Variants in TTLL5 observed in about 807,000 individuals in gnomAD.
TTLL5 encodes the protein tubulin tyrosine ligase like 5, also known as tubulin polyglutamylase TTLL5.
Under a neutral mutation model 168.4 loss-of-function variants are expected in TTLL5, and 132 were observed. The ratio of observed to expected loss-of-function variants is 0.78; its 90% CI spans 0.68 to 0.91. The LOEUF (loss-of-function observed/expected upper bound fraction) is 0.91. TTLL5 is among the 40% of genes least tolerant of loss of function. The pLI, the probability that TTLL5 is intolerant of heterozygous loss-of-function variation, is 0.00. For synonymous variants in TTLL5, 546 were observed against 558.6 expected (o/e 0.98, Z 0.32); for missense variants, 1,545 against 1,581.5 (o/e 0.98, Z 0.39).
At chr14:75,952,817 A>G (rs2035003127) in intron 31 of TTLL5, among the ~76,000 whole-genome samples, 1 of 152,224 alleles carries the variant, frequency 6.6e-6, no homozygotes, top group African/African-American at 2.4e-5. Flanking sequence ...AAATCTATAG[A>G]GACAGAAGGT....
At chr14:75,888,091 G>A (rs1595211570) in intron 30 of TTLL5, among the ~76,000 whole-genome samples, 1 of 152,142 alleles carries the variant, frequency 6.6e-6, no homozygotes, top group Non-Finnish European at 1.5e-5. Context: ...GGACATGAGC[G>A]CCAGTCAGGA....
At chr14:75,700,619 A>G (rs1476320505) in intron 7 of TTLL5, among the ~76,000 whole-genome samples, 1 of 152,184 alleles carries the variant, frequency 6.6e-6, no homozygotes, top group Non-Finnish European at 1.5e-5. Flanking sequence ...CCCCAAGTCT[A>G]AGGTGAAACA....
chr14:75,811,156 A>AGAGTGTGTGTAT (rs60194482), intron 27 of TTLL5, among the ~76,000 whole-genome samples: 4 of 116,532 alleles, frequency 3.4e-5, no homozygotes, highest in Non-Finnish European at 6.8e-5. Context: ...TGAAAGAAAG[A>AGAGTGTGTGTAT]GTGTGTGTGT....
At chr14:75,899,010 A>G (rs2032800700) in intron 30 of TTLL5, among the ~76,000 whole-genome samples, 1 of 152,226 alleles carries the variant, frequency 6.6e-6, no homozygotes. Flanking sequence ...TCAATTTGAT[A>G]TTTCTGTATG....
intron 29 of TTLL5, 69 bp downstream of exon 29, chr14:75,863,931 A>AAAAAAAAAAAAAAAAAAAAAAAAAAC (rs2030271887): frequency 7.7e-7 from 1 of 1,300,428 alleles, no homozygotes; most frequent in Non-Finnish European, 1.0e-6. Context: ...AAAAAAAAAA[A>AAAAAAAAAAAAAAAAAAAAAAAAAAC]AAAGGTCAGT....
chr14:75,738,373 T>C (rs1196006119), intron 15 of TTLL5, among the ~76,000 whole-genome samples: 1 of 152,258 alleles, frequency 6.6e-6, no homozygotes, highest in Non-Finnish European at 1.5e-5. Flanking sequence ...ATATTTATTT[T>C]GGCGTTTGTA....
At chr14:75,748,867 T>C (rs1889777615) in intron 17 of TTLL5, among the ~76,000 whole-genome samples, 1 of 152,226 alleles carries the variant, frequency 6.6e-6, no homozygotes, top group East Asian at 1.9e-4. Flanking sequence ...GTTGACACTC[T>C]TTGTACTTGT....
intron 27 of TTLL5, among the ~76,000 whole-genome samples, chr14:75,799,935 T>C (rs1337222300): frequency 6.6e-6 from 1 of 152,208 alleles, no homozygotes; most frequent in African/African-American, 2.4e-5. Context: ...ACCTGATGAC[T>C]ATGTGTCTAA....
chr14:75,663,265 C>T (rs1230617112), intron 2 of TTLL5, 42 bp downstream of exon 2: 2 of 1,553,684 alleles, frequency 1.3e-6, no homozygotes, highest in South Asian at 2.3e-5. Flanking sequence ...GCTTTGTACT[C>T]TTTCACTTAT....
At chr14:75,700,761 C>T (rs144558684) in intron 7 of TTLL5, among the ~76,000 whole-genome samples, 133 of 152,248 alleles carry the variant, frequency 8.7e-4, no homozygotes, top group African/African-American at 2.9e-3. Context: ...CTCACTCTGC[C>T]TTATGCCCTC....
intron 31 of TTLL5, 148 bp from the exon 32 acceptor site, chr14:75,954,276 G>C (rs1420600376): frequency 2.6e-6 from 1 of 377,652 alleles, no homozygotes; most frequent in East Asian, 4.9e-5. Context: ...AAAAAAAAAA[G>C]AGCTTTCCAC....
At chr14:75,681,824 G>A (rs1378599167) in intron 4 of TTLL5, among the ~76,000 whole-genome samples, 197 bp downstream of exon 4, 3 of 151,928 alleles carry the variant, frequency 2.0e-5, no homozygotes, top group African/African-American at 7.3e-5. Context: ...GTTTCCAGAT[G>A]ATTTTAGAAA....
intron 7 of TTLL5, among the ~76,000 whole-genome samples, chr14:75,705,071 G>A (rs986913910): frequency 5.3e-5 from 8 of 152,234 alleles, no homozygotes; most frequent in Admixed American, 6.5e-5. Context: ...GCCTGCAGCT[G>A]TATAGTGATT....
In TTLL5 at chr14:75,764,724, C is replaced by G; in HGVS notation, c.1660C>G (p.Arg554Gly). 1 of 1,614,130 alleles carries G rather than the reference C, an allele frequency of 6.2e-7. No homozygotes were observed. Among genetic ancestry groups the G allele is most frequent in the Non-Finnish European group, 8.5e-7 (1 of 1,179,988 alleles). Residue 554 changes from arginine to glycine, a missense_variant, in exon 19 of 32, where the codon CGT (arginine) becomes GGT (glycine). Arg to Gly is a moderately radical substitution (Grantham distance 125). Transcript: ENST00000298832. The stretch of plus-strand genomic sequence containing the variant: ...GCTCCTGTCTCTGGAGGTGCGAAAA[C>G]GTAGACGACGGAGTAGCAGATTGAG... ...RKLLSLEVRK[R>G]RRRSSRLRAM...
chr14:75,793,273 A>G (rs1245552396), intron 27 of TTLL5, among the ~76,000 whole-genome samples, 173 bp downstream of exon 27: 3 of 152,236 alleles, frequency 2.0e-5, no homozygotes, highest in Non-Finnish European at 4.4e-5. Flanking sequence ...TCAAATTTAA[A>G]GAAAATAACT....
intron 28 of TTLL5, chr14:75,820,527 T>TA (rs1323392219): frequency 6.1e-6 from 1 of 163,120 alleles, no homozygotes; most frequent in African/African-American, 2.4e-5. Context: ...TAGTTTTTTT[T>TA]ATACTACATT....
In TTLL5 at chr14:75,863,800, C is replaced by A; in HGVS notation, c.3460C>A (p.Gln1154Lys). The A allele has an allele frequency of 1.3e-6, 2 of 1,599,390 alleles. No individual in the cohort carries two copies. The highest frequency in any genetic ancestry group is 1.7e-6 in the Non-Finnish European group (2 of 1,171,828). The change falls in exon 29 of 32, where the codon CAA becomes AAA. Residue 1154 changes from glutamine (Q) to lysine (K), a missense_variant. Coordinates refer to ENST00000298832, the MANE Select transcript of TTLL5 (RefSeq NM_015072.5). ...GSYQLQFALQQLEQQKLQSRQ... is the reference protein window; with the variant it reads ...GSYQLQFALQKLEQQKLQSRQ... The stretch of plus-strand genomic sequence containing the variant: ...CTATCAGCTTCAATTTGCCCTGCAG[C>A]AACTTGAACAACAAAAACTTCAGTC...
At chr14:75,899,773 G>C (rs1198021054) in intron 30 of TTLL5, among the ~76,000 whole-genome samples, 1 of 152,090 alleles carries the variant, frequency 6.6e-6, no homozygotes, top group East Asian at 1.9e-4. Context: ...GAAGGTGAAG[G>C]GTGGATTGGG....
intron 31 of TTLL5, among the ~76,000 whole-genome samples, chr14:75,931,077 C>T (rs899359109): frequency 6.6e-6 from 1 of 152,200 alleles, no homozygotes; most frequent in Non-Finnish European, 1.5e-5. Flanking sequence ...AATTCCAAAC[C>T]TGTTCCTCCA....
Sources: allele counts gnomAD v4.1 joint callset (sites outside exome capture counted in the v4.1 genomes callset), GRCh38; gene constraint gnomAD v4.1.1; transcripts MANE v1.5; gene names NCBI Gene and HGNC (gene_info 2026-07-23, HGNC 2026-07-21).